The following SCAPER variants were observed in gnomAD, a reference collection of about 807,000 sequenced individuals.
The protein encoded by SCAPER is S-phase cyclin A associated protein in the ER, also known as S phase cyclin A-associated protein in the endoplasmic reticulum.
In SCAPER, 98 loss-of-function variants were observed where a neutral mutation model predicts 182.2. The observed-to-expected ratio is 0.54, with a 90% CI of 0.46 to 0.64. The LOEUF is 0.64. SCAPER is among the 30% of genes least tolerant of loss of function. The probability of loss-of-function intolerance (pLI) is 0.00; values close to 1 mark genes in which losing one functional copy is unlikely to be tolerated. For synonymous variants in SCAPER, 605 were observed against 564.6 expected (o/e 1.07, Z -1.01); for missense variants, 1,432 against 1,690.0 (o/e 0.85, Z 2.68).
At chr15:76,703,579 T>C (rs1396344767) in intron 18 of SCAPER, among the ~76,000 whole-genome samples, 1 of 152,172 alleles carries the variant, frequency 6.6e-6, no homozygotes, top group African/African-American at 2.4e-5. Context: ...ATCTATTTGA[T>C]ATGGCTAGAA....
At chr15:76,865,354 G>A (rs1482429678) in intron 2 of SCAPER, among the ~76,000 whole-genome samples, 2 of 152,086 alleles carry the variant, frequency 1.3e-5, no homozygotes, top group Non-Finnish European at 2.9e-5. Flanking sequence ...TGTCCAGGAA[G>A]TGATAAAAGT....
Position 76,497,109 on chromosome 15 carries a change from C to CT in SCAPER, c.2954+7749dup, listed in dbSNP as rs57202860. On this transcript the variant is annotated intron_variant, in intron 24 of 31. Transcript: ENST00000563290. ...TCCCATGAAGCAGTTTTGGTCTCCT[C>CT]TTTTTTTTTTTTTTTCCCAAAACGG... Among the ~76,000 whole-genome samples the CT allele has an allele frequency of 2.2e-3, 192 of 86,720 alleles. 4 individuals are homozygous for CT. Among genetic ancestry groups the CT allele is most frequent in the Admixed American group, 8.9e-3 (62 of 6,934 alleles). The allele number at this position is 86,720 out of a possible 152,430, so 56.9% of individuals were successfully genotyped here.
chr15:76,794,678 TATC>T (rs2065209772), intron 8 of SCAPER, among the ~76,000 whole-genome samples: 1 of 152,198 alleles, frequency 6.6e-6, no homozygotes, highest in Non-Finnish European at 1.5e-5. Flanking sequence ...TATTACCTAT[TATC>T]ATTCTAAAAT....
At chr15:76,437,576 T>G (rs1263963958) in intron 25 of SCAPER, among the ~76,000 whole-genome samples, 1 of 152,230 alleles carries the variant, frequency 6.6e-6, no homozygotes, top group Non-Finnish European at 1.5e-5. Context: ...AGTAATACAC[T>G]TCTAGGTAAT....
intron 22 of SCAPER, among the ~76,000 whole-genome samples, chr15:76,587,156 T>A (rs531843075): frequency 6.6e-6 from 1 of 152,230 alleles, no homozygotes; most frequent in Admixed American, 6.5e-5. Flanking sequence ...TTGTAATATC[T>A]CCCGTTTTAT....
intron 4 of SCAPER, among the ~76,000 whole-genome samples, chr15:76,846,584 C>G (rs2070111125): frequency 6.6e-6 from 1 of 151,992 alleles, no homozygotes; most frequent in African/African-American, 2.4e-5. Context: ...AAATGGCAAA[C>G]AGGCATATGA....
At chr15:76,670,614 C>G (rs11855644) in intron 20 of SCAPER, among the ~76,000 whole-genome samples, 20,838 of 152,142 alleles carry the variant, frequency 0.14, 2,105 homozygotes, top group East Asian at 0.47. Context: ...ATTGAACAAT[C>G]AAAATGGGAA....
At chr15:76,729,849 A>G (rs947528778) in intron 16 of SCAPER, among the ~76,000 whole-genome samples, 3 of 152,140 alleles carry the variant, frequency 2.0e-5, no homozygotes, top group Non-Finnish European at 4.4e-5. Flanking sequence ...TTCAACATGA[A>G]ATATTTGTCA....
At chr15:76,617,499 T>C (rs2051601034) in intron 22 of SCAPER, among the ~76,000 whole-genome samples, 1 of 152,210 alleles carries the variant, frequency 6.6e-6, no homozygotes, top group African/African-American at 2.4e-5. Flanking sequence ...AGCTAGATAA[T>C]TCTTCTCGTC....
chr15:76,726,909 G>C (rs1400981362), intron 17 of SCAPER, among the ~76,000 whole-genome samples: 2 of 151,980 alleles, frequency 1.3e-5, no homozygotes, highest in Admixed American at 1.3e-4. Flanking sequence ...AAAAATTTCT[G>C]GGTACAGATG....
intron 5 of SCAPER, among the ~76,000 whole-genome samples, chr15:76,833,825 T>C (rs184378222): frequency 8.3e-4 from 127 of 152,328 alleles, no homozygotes; most frequent in African/African-American, 3.0e-3. Flanking sequence ...CTTAAACATA[T>C]ATGTACCCAA....
At chr15:76,451,559 C>T (rs557759760) in intron 25 of SCAPER, among the ~76,000 whole-genome samples, 1 of 152,282 alleles carries the variant, frequency 6.6e-6, no homozygotes, top group African/African-American at 2.4e-5. Context: ...AGACTTTTGC[C>T]ACAGTCAGAA....
intron 22 of SCAPER, among the ~76,000 whole-genome samples, chr15:76,591,135 T>C (rs1333418824): frequency 1.2e-4 from 18 of 152,192 alleles, no homozygotes; most frequent in Non-Finnish European, 1.2e-4. Context: ...CTATGAAATA[T>C]ATCTTTGTAA....
rs192684857 is a variant in SCAPER at position 76,526,815 on chromosome 15, G to A, written c.2839-21841C>T. On this transcript the variant is annotated intron_variant, in intron 23 of 31. Coordinates refer to ENST00000563290, the MANE Select transcript of SCAPER (RefSeq NM_020843.4). ...ACCTGTTGTTTTCATCTATCTCTTTGAGAATACTAAATATATTTCCTGAAA... is the reference window on the plus strand; with the variant it reads ...ACCTGTTGTTTTCATCTATCTCTTTAAGAATACTAAATATATTTCCTGAAA... 2.0e-5 allele frequency among the ~76,000 whole-genome samples: 3 copies of A among 150,784 alleles called. No homozygotes were observed. In the East Asian group the frequency reaches 5.8e-4, roughly 29 times the overall value.
At chr15:76,500,992 G>A (rs1024757734) in intron 24 of SCAPER, among the ~76,000 whole-genome samples, 5 of 151,238 alleles carry the variant, frequency 3.3e-5, no homozygotes, top group African/African-American at 4.9e-5. Flanking sequence ...ACAGTGAGCC[G>A]AGATGGCACC....
chr15:76,472,646 G>T (rs1483591362), intron 24 of SCAPER, among the ~76,000 whole-genome samples: 1 of 152,102 alleles, frequency 6.6e-6, no homozygotes, highest in Non-Finnish European at 1.5e-5. Context: ...ACCATGCCTG[G>T]CCTTGTTTTA....
chr15:76,370,349 G>C (rs2042086875), intron 29 of SCAPER, among the ~76,000 whole-genome samples: 1 of 138,740 alleles, frequency 7.2e-6, no homozygotes, highest in Non-Finnish European at 1.5e-5. Context: ...CTGTCGCCCA[G>C]GCTGGAGTGC....
At chr15:76,618,109 A>C (rs1416079235) in intron 22 of SCAPER, among the ~76,000 whole-genome samples, 1 of 151,958 alleles carries the variant, frequency 6.6e-6, no homozygotes, top group East Asian at 1.9e-4. Flanking sequence ...AAAACATAAA[A>C]ATTAGCCGGG....
chr15:76,672,895 G>C (rs2057122447), intron 20 of SCAPER, among the ~76,000 whole-genome samples: 1 of 151,866 alleles, frequency 6.6e-6, no homozygotes, highest in African/African-American at 2.4e-5. Context: ...TACTGACCTA[G>C]AAAGGGCTAA....
Sources: allele counts gnomAD v4.1 joint callset (sites outside exome capture counted in the v4.1 genomes callset), GRCh38; gene constraint gnomAD v4.1.1; transcripts MANE v1.5; gene names NCBI Gene and HGNC (gene_info 2026-07-23, HGNC 2026-07-21).